The following BMI1 variants were observed in gnomAD, a reference collection of about 807,000 sequenced individuals.
BMI1 encodes the protein BMI1 proto-oncogene, polycomb ring finger.
A neutral mutation model predicts 39.1 loss-of-function variants in BMI1; 9 were observed. The ratio of observed to expected loss-of-function variants is 0.23; its 90% CI spans 0.14 to 0.40. The LOEUF is 0.40. Among genes scored for constraint, BMI1 ranks in the 10% least tolerant of loss-of-function variants. BMI1 has a pLI of 1.00. For missense variants in BMI1, 252 were observed against 390.8 expected (o/e 0.64, Z 2.99); for synonymous variants, 131 against 127.9 (o/e 1.02, Z -0.16).
chr10:22,325,133 A>C (rs1836102402), intron 1 of BMI1, among the ~76,000 whole-genome samples: 1 of 152,202 alleles, frequency 6.6e-6, no homozygotes, highest in South Asian at 2.1e-4. Flanking sequence ...CTTCTTGTAA[A>C]ACAGATTTCA....
rs1042087 is a variant in BMI1 at position 22,329,709 on chromosome 10, A to G, written c.*167A>G. On this transcript the variant is annotated 3_prime_UTR_variant, in exon 10 of 10. Transcript: ENST00000376663. ...AAGATGGACTACATGTGATACTCCT[A>G]TGGACGTTAATTGAAAAGAAAGATT... is the stretch of plus-strand genomic sequence containing the variant. 27 of 741,012 alleles carry G rather than the reference A, an allele frequency of 3.6e-5. No individual in the cohort carries two copies. Among genetic ancestry groups the G allele is most frequent in the East Asian group, 5.5e-5 (2 of 36,184 alleles). The allele number at this position is 741,012 out of a possible 1,614,324, so 45.9% of individuals were successfully genotyped here.
chr10:22,323,611 T>A (rs1011402824), intron 1 of BMI1, among the ~76,000 whole-genome samples: 1 of 152,256 alleles, frequency 6.6e-6, no homozygotes, highest in Admixed American at 6.5e-5. Context: ...TTTCTTAGAT[T>A]GCAGTAGGCA....
In BMI1 at chr10:22,329,416, G is replaced by T; in HGVS notation, c.855G>T (p.Gln285His). The stretch of plus-strand genomic sequence containing the variant: ...CTCCAGTGCAGTCTCCTCATCCACA[G>T]TTTCCTCACATTTCCAGTACTATGA... ...PSTPVQSPHP[Q>H]FPHISSTMNG... Residue 285 changes from glutamine to histidine, a missense_variant, in exon 10 of 10, where the codon CAG becomes CAT. Gln to His is a conservative substitution (Grantham distance 24). Transcript: ENST00000376663. The T allele has an allele frequency of 6.2e-7, 1 of 1,614,158 alleles. No individual in the cohort carries two copies. Among genetic ancestry groups the T allele is most frequent in the Non-Finnish European group, 8.5e-7 (1 of 1,180,028 alleles).
In BMI1 at chr10:22,326,470, C is replaced by G. The variant is rs763207530; in HGVS notation, c.21C>G (p.Ile7Met). The change falls in exon 2 of 10, where the codon ATC (isoleucine) becomes ATG (methionine). Residue 7 changes from isoleucine to methionine, a missense_variant. Ile to Met is a conservative substitution (Grantham distance 10). Transcript: ENST00000376663. MHRTTRIKITELNPHLM... is the reference protein window; with the variant it reads MHRTTRMKITELNPHLM... ...CAGAAATGCATCGAACAACGAGAATCAAGATCACTGAGCTAAATCCCCACC... is the reference window on the plus strand; with the variant it reads ...CAGAAATGCATCGAACAACGAGAATGAAGATCACTGAGCTAAATCCCCACC... 4 of 1,613,780 alleles carry G rather than the reference C, an allele frequency of 2.5e-6. No individual in the cohort carries two copies. In the African/African-American group the frequency reaches 5.3e-5, roughly 22 times the overall value.
chr10:22,325,503 G>GTCCCCGA (rs1293771561), intron 1 of BMI1, among the ~76,000 whole-genome samples: 2 of 151,530 alleles, frequency 1.3e-5, no homozygotes, highest in East Asian at 1.9e-4. Context: ...TGGGTCCCTG[G>GTCCCCGA]TCCCCGATCC....
Position 22,327,662 on chromosome 10 carries a change from G to A in BMI1, c.265+12G>A. 1 of 1,613,076 alleles carries A rather than the reference G, an allele frequency of 6.2e-7. No individual in the cohort carries two copies. The highest frequency in any genetic ancestry group is 1.3e-5 in the African/African-American group (1 of 75,000). On this transcript the variant is annotated intron_variant, in intron 4 of 9. Transcript: ENST00000376663. ...AGGGCTTTTCAAAAGTGAGTAACTT[G>A]CTTAGAAAATGAATTTAAAGAGATT...
intron 1 of BMI1, among the ~76,000 whole-genome samples, chr10:22,324,848 CCTGA>C (rs1836093029): frequency 6.6e-6 from 1 of 152,168 alleles, no homozygotes; most frequent in African/African-American, 2.4e-5. Context: ...ATTTGACTTC[CCTGA>C]CTGTCGGCTG....
At position 22,327,960 on chromosome 10, in the gene BMI1, C is replaced by T. The variant is rs753256657; in HGVS notation, c.327C>T (p.Gly109=). ...AAHPSADAAN[G]SNEDRGEVAD... ...ACTATATCGTTATAGCTGCCAATGG[C>T]TCTAATGAAGATAGAGGAGAGGTTG... is the stretch of plus-strand genomic sequence containing the variant. Residue 109 remains glycine (G), a synonymous_variant, in exon 6 of 10, where the codon GGC becomes GGT. Transcript: ENST00000376663. 1.9e-6 allele frequency: 3 copies of T among 1,602,002 alleles called. No homozygotes were observed. Among genetic ancestry groups the T allele is most frequent in the Non-Finnish European group, 2.5e-6 (3 of 1,176,716 alleles).
intron 4 of BMI1, 22 bp from the exon 5 acceptor site, chr10:22,327,720 T>A: frequency 6.2e-7 from 1 of 1,613,330 alleles, no homozygotes; most frequent in Non-Finnish European, 8.5e-7. Context: ...GCCAAATGTT[T>A]ACATCTTTTT....
At chr10:22,323,446 G>A (rs1189401492) in intron 1 of BMI1, among the ~76,000 whole-genome samples, 3 of 152,196 alleles carry the variant, frequency 2.0e-5, no homozygotes, top group Admixed American at 2.0e-4. Context: ...GCATTTAATT[G>A]TACATGATAA....
Position 22,321,390 on chromosome 10 carries a change from C to CGAGGAG in BMI1, c.-312_-307dup, listed in dbSNP as rs377124330. 202 of 159,244 alleles carry CGAGGAG rather than the reference C, an allele frequency of 1.3e-3. No individual in the cohort carries two copies. The highest frequency in any genetic ancestry group is 3.3e-3 in the African/African-American group (138 of 41,382). 9.9% of individuals were successfully genotyped at this position (159,244 alleles called of 1,614,324 possible). A position where few individuals can be genotyped will look rare whatever the true frequency, so the allele number is the denominator to read the frequency against. On this transcript the variant is annotated 5_prime_UTR_variant, in exon 1 of 10. Coordinates refer to ENST00000376663, the MANE Select transcript of BMI1 (RefSeq NM_005180.9). ...CGGAGCGGGAGGAGGCGGCGGCGGCCGAGGAGGAGGAGGAGGAGGCCCCGG... is the reference window on the plus strand; with the variant it reads ...CGGAGCGGGAGGAGGCGGCGGCGGCCGAGGAGGAGGAGGAGGAGGAGGAGGCCCCGG...
intron 1 of BMI1, chr10:22,322,093 A>C (rs1048575504): frequency 4.0e-5 from 6 of 151,582 alleles, no homozygotes; most frequent in African/African-American, 1.5e-4. Flanking sequence ...CACCCTCGCG[A>C]CGCACATGGC....
chr10:22,325,555 C>T (rs1836118119), intron 1 of BMI1: 1 of 147,376 alleles, frequency 6.8e-6, no homozygotes, highest in African/African-American at 2.5e-5. Flanking sequence ...TGGGGCTGCC[C>T]CGCCCCCCCG....
At chr10:22,323,563 G>A (rs896900414) in intron 1 of BMI1, among the ~76,000 whole-genome samples, 9 of 152,140 alleles carry the variant, frequency 5.9e-5, no homozygotes, top group African/African-American at 1.7e-4. Flanking sequence ...CTTATGTTGG[G>A]CTGTGAACCC....
At position 22,331,291 on chromosome 10, in the gene BMI1, A is replaced by G. The variant is rs1836276692; in HGVS notation, c.*1749A>G. The G allele has an allele frequency of 6.6e-6, 1 of 152,272 alleles. No individual in the cohort carries two copies. Among genetic ancestry groups the G allele is most frequent in the East Asian group, 1.9e-4 (1 of 5,204 alleles). 9.4% of individuals were successfully genotyped at this position (152,272 alleles called of 1,614,324 possible). A position where few individuals can be genotyped will look rare whatever the true frequency, so the allele number is the denominator to read the frequency against. ...AGATCTTTAATAAAAATTTGATATG[A>G]AAAGCACAATGTGCAGAAGTTATGG... On this transcript the variant is annotated 3_prime_UTR_variant, in exon 10 of 10. Transcript: ENST00000376663.
intron 1 of BMI1, 113 bp from the exon 2 acceptor site, chr10:22,326,318 C>A (rs1009500375): frequency 1.4e-6 from 2 of 1,419,886 alleles, no homozygotes; most frequent in Non-Finnish European, 9.5e-7. Flanking sequence ...TAGGACAGCC[C>A]AGCTGTACAG....
rs1308002241 is a variant in BMI1 at position 22,328,150 on chromosome 10, AACAAAG to A, written c.450_455del (p.Asp150_Lys151del). Reference sequence around the variant, plus strand: ...CTTTATTAGATTGGATCGGAAAGTAAACAAAGACAAAGAGAAATCTAAGGAGGAGGT... The same window carrying A: ...CTTTATTAGATTGGATCGGAAAGTAAACAAAGAGAAATCTAAGGAGGAGGT... On this transcript the variant is annotated inframe_deletion, in exon 7 of 10. Transcript: ENST00000376663. 1.2e-6 allele frequency: 2 copies of A among 1,601,160 alleles called. No homozygotes were observed. The highest frequency in any genetic ancestry group is 8.5e-7 in the Non-Finnish European group (1 of 1,176,392).
Position 22,327,740 on chromosome 10 carries a change from A to G in BMI1, c.266-2A>G. The G allele has an allele frequency of 6.2e-7, 1 of 1,613,432 alleles. No homozygotes were observed. The highest frequency in any genetic ancestry group is 1.3e-5 in the African/African-American group (1 of 75,020). On this transcript the variant is annotated splice_acceptor_variant, in intron 4 of 9. Transcript: ENST00000376663. LOFTEE classifies it high-confidence loss of function. ...ATGTTTACATCTTTTTTCCCCATTCAGATGAAATGAAGAGAAGAAGGGATT... is the reference window on the plus strand; with the variant it reads ...ATGTTTACATCTTTTTTCCCCATTCGGATGAAATGAAGAGAAGAAGGGATT...
In BMI1 at chr10:22,330,135, C is replaced by G. The variant is rs1203122847; in HGVS notation, c.*593C>G. 6.5e-6 allele frequency: 1 copy of G among 153,282 alleles called. No homozygotes were observed. Among genetic ancestry groups the G allele is most frequent in the African/African-American group, 2.4e-5 (1 of 41,468 alleles). 9.5% of individuals were successfully genotyped at this position (153,282 alleles called of 1,614,324 possible). On this transcript the variant is annotated 3_prime_UTR_variant, in exon 10 of 10. Transcript: ENST00000376663. The stretch of plus-strand genomic sequence containing the variant: ...GAAAAGTGAACTTCAGTTTTACAAT[C>G]TGTATGCCTAAAAGCGGGTACTACC...
Sources: gnomAD v4.1 joint callset for allele counts (sites outside exome capture counted in the v4.1 genomes callset) on GRCh38, gnomAD v4.1.1 for gene constraint, MANE v1.5 for transcripts, NCBI Gene and HGNC (gene_info 2026-07-23, HGNC 2026-07-21) for gene names.